The following NKAIN2 variants were observed in gnomAD, a reference collection of about 807,000 sequenced individuals.
NKAIN2 encodes sodium/potassium-transporting ATPase subunit beta-1-interacting protein 2.
A neutral mutation model predicts 32.6 loss-of-function variants in NKAIN2; 14 were observed. The observed-to-expected ratio is 0.43, with a 90% confidence interval of 0.28 to 0.67. The LOEUF is 0.67. NKAIN2 is among the 30% of genes least tolerant of loss of function. The probability of loss-of-function intolerance (pLI) is 0.17; values close to 1 mark genes in which losing one functional copy is unlikely to be tolerated. For synonymous variants in NKAIN2, 80 were observed against 87.2 expected, an observed-to-expected ratio of 0.92 and a Z score of 0.46; for missense variants, 198 against 258.3, an observed-to-expected ratio of 0.77 and a Z score of 1.60.
intron 4 of NKAIN2, among the ~76,000 whole-genome samples, chr6:124,671,361 G>A (rs1773091664): frequency 6.6e-6 from 1 of 151,972 alleles, no homozygotes; most frequent in Non-Finnish European, 1.5e-5. Flanking sequence ...CCATTCAAGG[G>A]CAATTTTCTC....
intron 2 of NKAIN2, among the ~76,000 whole-genome samples, chr6:124,292,391 G>A (rs1351327617): frequency 6.6e-6 from 1 of 152,074 alleles, no homozygotes; most frequent in East Asian, 1.9e-4. Flanking sequence ...TGTTGCTAAT[G>A]TTTTATTACT....
chr6:124,343,166 A>C (rs1202986734), intron 2 of NKAIN2, among the ~76,000 whole-genome samples: 1 of 151,926 alleles, frequency 6.6e-6, no homozygotes, highest in Non-Finnish European at 1.5e-5. Context: ...TGAACTCATC[A>C]TTTTTTATGG....
intron 3 of NKAIN2, among the ~76,000 whole-genome samples, chr6:124,380,683 T>C (rs1404452094): frequency 6.6e-6 from 1 of 152,200 alleles, no homozygotes; most frequent in African/African-American, 2.4e-5. Context: ...ATTTGTCTAA[T>C]GACATCAAGA....
intron 1 of NKAIN2, among the ~76,000 whole-genome samples, chr6:124,242,396 A>G (rs1793153844): frequency 6.6e-6 from 1 of 152,140 alleles, no homozygotes; most frequent in Non-Finnish European, 1.5e-5. Context: ...AGGAAACAAC[A>G]GATGCTGGAG....
intron 4 of NKAIN2, among the ~76,000 whole-genome samples, chr6:124,745,989 A>T (rs1777436218): frequency 6.6e-6 from 1 of 151,880 alleles, no homozygotes; most frequent in Non-Finnish European, 1.5e-5. Flanking sequence ...ATGAGAATCA[A>T]AATGAAATGT....
At chr6:123,967,349 G>T (rs978877513) in intron 1 of NKAIN2, among the ~76,000 whole-genome samples, 2 of 152,182 alleles carry the variant, frequency 1.3e-5, no homozygotes, top group Non-Finnish European at 1.5e-5. Flanking sequence ...AGTATAATTG[G>T]TTTTTCTGAT....
At chr6:124,675,456 G>T (rs1773311864) in intron 4 of NKAIN2, among the ~76,000 whole-genome samples, 1 of 152,034 alleles carries the variant, frequency 6.6e-6, no homozygotes, top group African/African-American at 2.4e-5. Flanking sequence ...GAAAAAGTTT[G>T]AGAGGCATTG....
chr6:124,533,765 A>G (rs1374315736), intron 3 of NKAIN2, among the ~76,000 whole-genome samples: 1 of 152,188 alleles, frequency 6.6e-6, no homozygotes, highest in African/African-American at 2.4e-5. Flanking sequence ...TGAGTGGCCT[A>G]AGTAACAAAC....
At chr6:124,539,630 T>A (rs1473792652) in intron 3 of NKAIN2, among the ~76,000 whole-genome samples, 1 of 152,236 alleles carries the variant, frequency 6.6e-6, no homozygotes, top group Non-Finnish European at 1.5e-5. Context: ...CAAATATTTT[T>A]AATAGTGATT....
intron 1 of NKAIN2, among the ~76,000 whole-genome samples, chr6:123,953,302 G>A (rs914564229): frequency 1.5e-4 from 23 of 152,156 alleles, no homozygotes; most frequent in African/African-American, 4.8e-4. Flanking sequence ...AGGCCCCAGG[G>A]TGGCGTATGT....
chr6:124,193,413 G>T (rs78589239), intron 1 of NKAIN2, among the ~76,000 whole-genome samples: 1,627 of 152,290 alleles, frequency 0.011, 28 homozygotes, highest in South Asian at 0.039. Flanking sequence ...CCCTGCAAGT[G>T]TGCAGCTGCA....
At chr6:124,101,087 G>C (rs1021512587) in intron 1 of NKAIN2, among the ~76,000 whole-genome samples, 2 of 152,100 alleles carry the variant, frequency 1.3e-5, no homozygotes, top group African/African-American at 4.8e-5. Flanking sequence ...AACAATGCAT[G>C]GTAAAGCCAT....
intron 3 of NKAIN2, among the ~76,000 whole-genome samples, chr6:124,572,182 A>G (rs1343732784): frequency 6.6e-6 from 1 of 152,138 alleles, no homozygotes; most frequent in African/African-American, 2.4e-5. Flanking sequence ...TCTTTGTTCT[A>G]TTTAGGCTCT....
At chr6:124,527,740 A>C (rs1376276363) in intron 3 of NKAIN2, among the ~76,000 whole-genome samples, 1 of 152,164 alleles carries the variant, frequency 6.6e-6, no homozygotes, top group Non-Finnish European at 1.5e-5. Flanking sequence ...ACTTGGATGC[A>C]AATCTCCTGG....
chr6:123,877,902 C>A (rs1773242164), intron 1 of NKAIN2, among the ~76,000 whole-genome samples: 1 of 151,950 alleles, frequency 6.6e-6, no homozygotes, highest in South Asian at 2.1e-4. Context: ...GTGATTTGTT[C>A]AATTTCGTTA....
intron 4 of NKAIN2, among the ~76,000 whole-genome samples, chr6:124,764,981 T>TTA (rs1173038405): frequency 6.6e-6 from 1 of 152,212 alleles, no homozygotes; most frequent in African/African-American, 2.4e-5. Flanking sequence ...GGTGAGTTCT[T>TTA]TAACTAAGTT....
intron 3 of NKAIN2, among the ~76,000 whole-genome samples, chr6:124,503,768 T>C (rs926277832): frequency 1.3e-5 from 2 of 152,124 alleles, no homozygotes; most frequent in African/African-American, 4.8e-5. Flanking sequence ...AGAACAATAG[T>C]CTAAGCCTTG....
chr6:124,337,257 G>T (rs953747212), intron 2 of NKAIN2, among the ~76,000 whole-genome samples: 3 of 152,138 alleles, frequency 2.0e-5, no homozygotes, highest in Non-Finnish European at 4.4e-5. Context: ...ATCACATTGG[G>T]AGGCCAAGAT....
chr6:124,810,353 AATC>A (rs1157132355), intron 5 of NKAIN2, among the ~76,000 whole-genome samples: 1 of 152,066 alleles, frequency 6.6e-6, no homozygotes, highest in East Asian at 1.9e-4. Context: ...TGAAATTGGA[AATC>A]ATCATTCTCA....
Sources: allele counts gnomAD v4.1 joint callset (sites outside exome capture counted in the v4.1 genomes callset), GRCh38; gene constraint gnomAD v4.1.1; transcripts MANE v1.5; gene names NCBI Gene and HGNC (gene_info 2026-07-23, HGNC 2026-07-21).